TINAGL1: variants seen among roughly 807,000 people sequenced by gnomAD.
The protein encoded by TINAGL1 is tubulointerstitial nephritis antigen-like.
In TINAGL1, 34 loss-of-function variants were observed where a neutral mutation model predicts 62.0. The observed-to-expected ratio is 0.55, with a 90% CI of 0.42 to 0.73. TINAGL1 has a LOEUF of 0.73. TINAGL1 is among the 30% of genes least tolerant of loss of function. The probability of loss-of-function intolerance (pLI) is 0.00; values close to 1 mark genes in which losing one functional copy is unlikely to be tolerated. For missense variants in TINAGL1, 516 were observed against 653.2 expected, an observed-to-expected ratio of 0.79 and a Z score of 2.29; for synonymous variants, 221 against 249.7, an observed-to-expected ratio of 0.88 and a Z score of 1.08.
chr1:31,583,368 A>G lies in TINAGL1; in HGVS notation c.468-93A>G. 7 of 1,468,166 alleles carry G rather than the reference A, an allele frequency of 4.8e-6. No individual in the cohort carries two copies. Among genetic ancestry groups the G allele is most frequent in the Non-Finnish European group, 6.6e-6 (7 of 1,060,952 alleles). 90.9% of individuals were successfully genotyped at this position (1,468,166 alleles called of 1,614,324 possible). On this transcript the variant is annotated intron_variant, in intron 4 of 11. Transcript: ENST00000271064. The surrounding 1 kb of genome is among the most constrained non-coding windows in gnomAD (Gnocchi z 4.4). ...CCCAGATTTGACTGTGTGTGCGCTC[A>G]GCCACTGTGCGTCTCTCCCACCCAC... is the stretch of plus-strand genomic sequence containing the variant.
chr1:31,581,896 A>G (rs1639253974), intron 3 of TINAGL1, among the ~76,000 whole-genome samples: 1 of 152,200 alleles, frequency 6.6e-6, no homozygotes. Context: ...TCAATTCAGC[A>G]TATGGCCTCA....
Position 31,583,364 on chromosome 1 carries a change from G to A in TINAGL1, c.468-97G>A, listed in dbSNP as rs147761042. On this transcript the variant is annotated intron_variant, in intron 4 of 11. Coordinates refer to ENST00000271064, the MANE Select transcript of TINAGL1 (RefSeq NM_022164.3). This position sits in a 1 kb window ranked among gnomAD's most constrained non-coding sequence, Gnocchi z 4.4. ...TACACCCAGATTTGACTGTGTGTGC[G>A]CTCAGCCACTGTGCGTCTCTCCCAC... 44 of 1,463,742 alleles carry A rather than the reference G, an allele frequency of 3.0e-5. No individual in the cohort carries two copies. Among genetic ancestry groups the A allele is most frequent in the South Asian group, 5.8e-5 (5 of 85,690 alleles). 90.7% of individuals were successfully genotyped at this position (1,463,742 alleles called of 1,614,324 possible).
intron 3 of TINAGL1, chr1:31,580,466 C>T: frequency 1.6e-6 from 2 of 1,289,320 alleles, no homozygotes; most frequent in Non-Finnish European, 2.0e-6. Context: ...TCAAAGGATG[C>T]TTCCAGAGTC....
chr1:31,582,146 A>G (rs1441400126), intron 3 of TINAGL1, among the ~76,000 whole-genome samples: 2 of 152,174 alleles, frequency 1.3e-5, no homozygotes, highest in Non-Finnish European at 2.9e-5. Context: ...CCTGGGCAAC[A>G]TAGCAAAACC....
In TINAGL1 at chr1:31,584,596, G is replaced by A. The variant is rs1484670668; in HGVS notation, c.583-82G>A. 28 of 1,595,326 alleles carry A rather than the reference G, an allele frequency of 1.8e-5. No homozygotes were observed. The highest frequency in any genetic ancestry group is 2.4e-5 in the Non-Finnish European group (28 of 1,166,990). On this transcript the variant is annotated intron_variant, in intron 5 of 11. Transcript: ENST00000271064. This position sits in a 1 kb window ranked among gnomAD's most constrained non-coding sequence, Gnocchi z 4.0. ...TTAAACTGCAGAAGGCCCTGGACTT[G>A]GTGGCCCTCCAGTGCCAATGGGCAC... is the stretch of plus-strand genomic sequence containing the variant.
In TINAGL1 at chr1:31,577,562, T is replaced by G. The variant is rs547330780; in HGVS notation, c.310+104T>G. 1 of 1,284,906 alleles carries G rather than the reference T, an allele frequency of 7.8e-7. No homozygotes were observed. The highest frequency in any genetic ancestry group is 2.4e-5 in the Admixed American group (1 of 41,810). The allele number at this position is 1,284,906 out of a possible 1,614,324, so 79.6% of individuals were successfully genotyped here. On this transcript the variant is annotated intron_variant, in intron 2 of 11. Coordinates refer to ENST00000271064, the MANE Select transcript of TINAGL1 (RefSeq NM_022164.3). This position sits in a 1 kb window ranked among gnomAD's most constrained non-coding sequence, Gnocchi z 5.4. ...ATGCACTGACATTTCCAGGGGAAGC[T>G]CTGTAGAATCTGGGACTCTTCCCTG...
chr1:31,582,918 G>A (rs938289073), intron 3 of TINAGL1, among the ~76,000 whole-genome samples: 7 of 152,108 alleles, frequency 4.6e-5, no homozygotes, highest in African/African-American at 9.7e-5. Flanking sequence ...TTGAGTAGCC[G>A]TGAGATCCTT....
intron 2 of TINAGL1, among the ~76,000 whole-genome samples, chr1:31,578,877 G>GGTGTGTGTGTGTGTGT (rs57769142): frequency 2.2e-4 from 17 of 76,436 alleles, no homozygotes; most frequent in African/African-American, 7.2e-4. Context: ...AGTGAGAGCT[G>GGTGTGTGTGTGTGTGT]GTGTGTGTGT....
intron 10 of TINAGL1, chr1:31,586,210 C>T: frequency 3.3e-6 from 1 of 307,530 alleles, no homozygotes; most frequent in South Asian, 5.8e-5. Context: ...GAGGTCGCTC[C>T]CCTGGCCTCA....
In TINAGL1 at chr1:31,585,763, G is replaced by T. The variant is rs1212434483; in HGVS notation, c.1104G>T (p.Glu368Asp). The T allele has an allele frequency of 3.1e-6, 5 of 1,613,392 alleles. No individual in the cohort carries two copies. The highest frequency in any genetic ancestry group is 3.3e-5 in the Admixed American group (2 of 59,920). ...GACATCTGCCCACAGCCCTCATGGA[G>T]GTGCATGAGGACTTCTTCCTATACA... ...MENGPVQALM[E>D]VHEDFFLYKG... The change falls in exon 10 of 12, where the codon GAG becomes GAT. Residue 368 changes from glutamate to aspartate, a missense_variant. Coordinates refer to ENST00000271064, the MANE Select transcript of TINAGL1 (RefSeq NM_022164.3). This position sits in a 1 kb window ranked among gnomAD's most constrained non-coding sequence, Gnocchi z 4.3.
intron 3 of TINAGL1, chr1:31,580,548 G>A (rs1639216575): frequency 1.2e-5 from 16 of 1,289,186 alleles, no homozygotes; most frequent in Non-Finnish European, 1.4e-5. Flanking sequence ...GGAAGGATGA[G>A]GAAAGCCTTC....
intron 3 of TINAGL1, among the ~76,000 whole-genome samples, chr1:31,582,034 A>C (rs528683461): frequency 8.7e-4 from 132 of 152,370 alleles, no homozygotes; most frequent in Non-Finnish European, 1.7e-3. Flanking sequence ...AAACAGGGAT[A>C]AGCAATATAA....
intron 2 of TINAGL1, chr1:31,578,276 G>GTGTGTGT (rs1553148536): frequency 1.1e-5 from 6 of 533,882 alleles, no homozygotes; most frequent in East Asian, 1.6e-4. Context: ...GTGTGTGTGT[G>GTGTGTGT]ATGTCTTCAG....
Position 31,587,554 on chromosome 1 carries a change from G to GCGGTC in TINAGL1, c.*577_*581dup, listed in dbSNP as rs1639432833. ...GCTGGTCTCGAACTCCTGGGCTCAA[G>GCGGTC]CGGTCCACCTGCCTCCGCCTCCCAA... On this transcript the variant is annotated 3_prime_UTR_variant, in exon 12 of 12. Transcript: ENST00000271064. 6.6e-6 allele frequency: 1 copy of GCGGTC among 152,374 alleles called. No homozygotes were observed. Among genetic ancestry groups the GCGGTC allele is most frequent in the South Asian group, 2.1e-4 (1 of 4,836 alleles). The allele number at this position is 152,374 out of a possible 1,614,324, so 9.4% of individuals were successfully genotyped here.
intron 3 of TINAGL1, chr1:31,580,755 T>C (rs748129569): frequency 2.0e-4 from 246 of 1,228,200 alleles, no homozygotes; most frequent in Middle Eastern, 4.7e-4. Context: ...AAAAGCATTA[T>C]AGAATTCATA....
rs1436192865 is a variant in TINAGL1 at position 31,585,847 on chromosome 1, G to T, written c.1188G>T (p.Arg396=). 1 of 1,604,310 alleles carries T rather than the reference G, an allele frequency of 6.2e-7. No homozygotes were observed. Among genetic ancestry groups the T allele is most frequent in the Non-Finnish European group, 8.5e-7 (1 of 1,175,100 alleles). Residue 396 remains arginine, a synonymous_variant, in exon 10 of 12, where the codon CGG becomes CGT. Coordinates refer to ENST00000271064, the MANE Select transcript of TINAGL1 (RefSeq NM_022164.3). This position sits in a 1 kb window ranked among gnomAD's most constrained non-coding sequence, Gnocchi z 4.3. ...TTGGGAGGCCAGAGAGATACCGCCG[G>T]CATGGGACCCACTCAGTCAAGATCA... ...VSLGRPERYR[R]HGTHSVKITG...
intron 3 of TINAGL1, chr1:31,580,166 T>TCC (rs1639182481): frequency 5.8e-6 from 1 of 171,078 alleles, no homozygotes; most frequent in South Asian, 6.4e-5. Flanking sequence ...TAATGCGCTC[T>TCC]CTCTCTCTCT....
chr1:31,577,029 T>C lies in TINAGL1; in HGVS notation c.-15-105T>C. ...CTGCCTGGGGACTCAGGAATCGGGA[T>C]CTCCCTCCCTGCTGGGCCCTCTTGA... is the stretch of plus-strand genomic sequence containing the variant. On this transcript the variant is annotated intron_variant, in intron 1 of 11. Coordinates refer to ENST00000271064, the MANE Select transcript of TINAGL1 (RefSeq NM_022164.3). This position sits in a 1 kb window ranked among gnomAD's most constrained non-coding sequence, Gnocchi z 5.4. 1 of 1,056,714 alleles carries C rather than the reference T, an allele frequency of 9.5e-7. No individual in the cohort carries two copies. The highest frequency in any genetic ancestry group is 1.3e-6 in the Non-Finnish European group (1 of 760,846). 65.5% of individuals were successfully genotyped at this position (1,056,714 alleles called of 1,614,324 possible).
rs1231325305 is a variant in TINAGL1, at chr1:31,583,573, T to C, written c.580T>C (p.Tyr194His). Residue 194 changes from tyrosine to histidine, a missense_variant and splice_region_variant, in exon 5 of 12, where the codon TAT becomes CAT. By Grantham distance (83) the Tyr-to-His change is moderately conservative. Coordinates refer to ENST00000271064, the MANE Select transcript of TINAGL1 (RefSeq NM_022164.3). The surrounding 1 kb of genome is among the most constrained non-coding windows in gnomAD (Gnocchi z 4.4). ...CTCGGTCATGAACATGCATGAAATT[T>C]ATGTAAGTCCATCCTTCCCCACAAT... ...SSSVMNMHEI[Y>H]TVLNPGEVLP... 1 of 1,611,984 alleles carries C rather than the reference T, an allele frequency of 6.2e-7. No homozygotes were observed. The highest frequency in any genetic ancestry group is 8.5e-7 in the Non-Finnish European group (1 of 1,179,170).
Sources: allele counts gnomAD v4.1 joint callset (sites outside exome capture counted in the v4.1 genomes callset), GRCh38; gene constraint gnomAD v4.1.1; non-coding constraint Gnocchi (gnomAD v3.1); transcripts MANE v1.5; gene names NCBI Gene and HGNC (gene_info 2026-07-23, HGNC 2026-07-21).